The following MAGI1 variants were observed in gnomAD, a reference collection of about 807,000 sequenced individuals.
MAGI1 encodes the protein membrane associated guanylate kinase, WW and PDZ domain containing 1.
Under a neutral mutation model 139.9 loss-of-function variants are expected in MAGI1, and 58 were observed. The observed-to-expected ratio is 0.41, with a 90% confidence interval of 0.34 to 0.52. The LOEUF is 0.52. MAGI1 is among the 20% of genes least tolerant of loss of function. MAGI1 has a pLI of 0.12. For synonymous variants in MAGI1, 812 were observed against 737.9 expected (o/e 1.10, Z -1.63); for missense variants, 1,874 against 1,901.6 (o/e 0.99, Z 0.27).
intron 2 of MAGI1, among the ~76,000 whole-genome samples, chr3:65,562,043 T>A (rs553340388): frequency 6.6e-6 from 1 of 152,336 alleles, no homozygotes; most frequent in Non-Finnish European, 1.5e-5. Flanking sequence ...TCTATTTTAT[T>A]AATAGTTGTT....
At chr3:65,738,734 G>A (rs115939538) in intron 1 of MAGI1, among the ~76,000 whole-genome samples, 2,464 of 152,276 alleles carry the variant, frequency 0.016, 25 homozygotes, top group Middle Eastern at 0.037. Flanking sequence ...CAGGTGCCTT[G>A]TCGATGAGTA....
chr3:65,553,688 A>T (rs917609315), intron 2 of MAGI1, among the ~76,000 whole-genome samples: 2 of 152,180 alleles, frequency 1.3e-5, no homozygotes, highest in Admixed American at 1.3e-4. Flanking sequence ...TGGTTTTAGG[A>T]TATGCTATAT....
intron 1 of MAGI1, among the ~76,000 whole-genome samples, chr3:65,994,013 C>A (rs1019252760): frequency 3.1e-4 from 47 of 152,230 alleles, no homozygotes; most frequent in African/African-American, 1.0e-3. Context: ...GTGACTCAAG[C>A]CTGTAATCCC....
intron 1 of MAGI1, among the ~76,000 whole-genome samples, chr3:65,983,964 T>C (rs1021845578): frequency 4.6e-5 from 7 of 152,200 alleles, no homozygotes; most frequent in African/African-American, 1.7e-4. Context: ...TGTTGTCATA[T>C]TTTACTCATC....
chr3:65,430,522 G>A lies in MAGI1; in HGVS notation c.1546+177C>T, dbSNP rs185895289. ...TTCACAGGTTTTAATCTGTCCCAAG[G>A]GATGAATTTATGTAATGTGGAGACC... On this transcript the variant is annotated intron_variant, in intron 11 of 22. Coordinates refer to ENST00000402939, the MANE Select transcript of MAGI1 (RefSeq NM_001033057.2). Among the ~76,000 whole-genome samples the A allele has an allele frequency of 4.5e-4, 68 of 152,188 alleles. No individual in the cohort carries two copies. In the Middle Eastern group the frequency reaches 0.01, roughly 23 times the overall value.
intron 1 of MAGI1, among the ~76,000 whole-genome samples, chr3:66,035,121 A>T (rs190487484): frequency 6.6e-6 from 1 of 152,338 alleles, no homozygotes. Flanking sequence ...TGTCTTCCCC[A>T]CTTAAAATGA....
intron 1 of MAGI1, among the ~76,000 whole-genome samples, chr3:65,950,999 GGAAGGAAGGAAGGAAGGAAGGAA>G (rs1397811887): frequency 7.6e-6 from 1 of 132,364 alleles, no homozygotes. Flanking sequence ...AAGGAAGGAA[GGAAGGAAGGAAGGAAGGAAGGAA>G]GGAAGGAAGG....
rs149077101 is a variant in MAGI1, at chr3:65,615,496, T to C, written c.430+6476A>G. ...GGTAAATATAGATTCCACACTTCAATGCTCCTGAAGGGGCACTGTAGAAAT... is the reference window on the plus strand; with the variant it reads ...GGTAAATATAGATTCCACACTTCAACGCTCCTGAAGGGGCACTGTAGAAAT... On this transcript the variant is annotated intron_variant, in intron 2 of 22. Coordinates refer to ENST00000402939, the MANE Select transcript of MAGI1 (RefSeq NM_001033057.2). Among the ~76,000 whole-genome samples, 1,173 of 152,302 alleles carry C rather than the reference T, an allele frequency of 7.7e-3. 10 individuals carry two copies. The highest frequency in any genetic ancestry group is 0.031 in the Middle Eastern group (9 of 294).
chr3:65,853,800 C>T (rs1159108389), intron 1 of MAGI1, among the ~76,000 whole-genome samples: 1 of 152,156 alleles, frequency 6.6e-6, no homozygotes, highest in Non-Finnish European at 1.5e-5. Flanking sequence ...AAGTGGTTAT[C>T]TCAATCAAGA....
chr3:65,994,421 C>A (rs1341837879), intron 1 of MAGI1, among the ~76,000 whole-genome samples: 1 of 152,112 alleles, frequency 6.6e-6, no homozygotes, highest in Non-Finnish European at 1.5e-5. Context: ...AGTATCTCCC[C>A]TCCTCATATG....
chr3:65,862,836 A>C (rs1449281713), intron 1 of MAGI1, among the ~76,000 whole-genome samples: 1 of 152,214 alleles, frequency 6.6e-6, no homozygotes, highest in African/African-American at 2.4e-5. Context: ...TTTGTGAAGA[A>C]AGTATAGATT....
chr3:65,800,708 A>C (rs1363339950), intron 1 of MAGI1, among the ~76,000 whole-genome samples: 1 of 152,168 alleles, frequency 6.6e-6, no homozygotes, highest in Non-Finnish European at 1.5e-5. Context: ...AAAAACTAAA[A>C]CTAAAAATAA....
intron 1 of MAGI1, among the ~76,000 whole-genome samples, chr3:65,951,718 A>G (rs2063871539): frequency 6.6e-6 from 1 of 152,214 alleles, no homozygotes. Flanking sequence ...AGAGATTCCA[A>G]TCAGCTTAAG....
intron 1 of MAGI1, among the ~76,000 whole-genome samples, chr3:65,999,650 G>A (rs990841556): frequency 6.6e-6 from 1 of 151,992 alleles, no homozygotes; most frequent in Non-Finnish European, 1.5e-5. Flanking sequence ...TGGTATTAAT[G>A]TTGGTTTATT....
intron 2 of MAGI1, among the ~76,000 whole-genome samples, chr3:65,530,073 A>C (rs539468155): frequency 6.6e-6 from 1 of 152,272 alleles, no homozygotes; most frequent in Admixed American, 6.5e-5. Flanking sequence ...GTTGGAAAAA[A>C]AATGCATGAA....
intron 1 of MAGI1, among the ~76,000 whole-genome samples, chr3:65,967,866 C>T (rs532614098): frequency 6.6e-6 from 1 of 152,278 alleles, no homozygotes; most frequent in South Asian, 2.1e-4. Flanking sequence ...GGATTTCATC[C>T]AGGTGAAGCT....
chr3:65,375,752 A>G lies in MAGI1; in HGVS notation c.3189T>C (p.Pro1063=), dbSNP rs1171158552. ...ATAATAGGTATACTTTACCATCCCC[A>G]GGAATGATGCGGAGGGTAACTGTGT... ...AGNTVTLRII[P]GDESSNATLL... The change falls in exon 18 of 23, where the codon CCT becomes CCC. Residue 1063 remains proline (P), a synonymous_variant. Coordinates refer to ENST00000402939, the MANE Select transcript of MAGI1 (RefSeq NM_001033057.2). 6.2e-7 allele frequency: 1 copy of G among 1,611,756 alleles called. No homozygotes were observed. Among genetic ancestry groups the G allele is most frequent in the Non-Finnish European group, 8.5e-7 (1 of 1,178,030 alleles).
intron 1 of MAGI1, among the ~76,000 whole-genome samples, chr3:65,882,320 G>T (rs1575830421): frequency 6.6e-6 from 1 of 152,176 alleles, no homozygotes; most frequent in South Asian, 2.1e-4. Context: ...CAAAGCTGAA[G>T]AAATCGCCTT....
At chr3:65,961,084 C>G (rs2064401464) in intron 1 of MAGI1, among the ~76,000 whole-genome samples, 1 of 152,106 alleles carries the variant, frequency 6.6e-6, no homozygotes, top group African/African-American at 2.4e-5. Context: ...CCCGGAATAA[C>G]CTTTGAATTT....
Sources: gnomAD v4.1 joint callset for allele counts (sites outside exome capture counted in the v4.1 genomes callset) on GRCh38, gnomAD v4.1.1 for gene constraint, MANE v1.5 for transcripts, NCBI Gene and HGNC (gene_info 2026-07-23, HGNC 2026-07-21) for gene names.